The following PTPRU variants were observed in gnomAD, a reference collection of about 807,000 sequenced individuals.
PTPRU encodes the protein protein tyrosine phosphatase receptor type U.
PTPRU carries 69 observed loss-of-function variants against 166.3 expected under a neutral mutation model. The ratio of observed to expected loss-of-function variants is 0.41; its 90% CI spans 0.34 to 0.51. The LOEUF (loss-of-function observed/expected upper bound fraction) is 0.51. Among genes scored for constraint, PTPRU ranks in the 20% least tolerant of loss-of-function variants. The pLI is 0.09. For missense variants in PTPRU, 1,657 were observed against 2,013.7 expected, an observed-to-expected ratio of 0.82 and a Z score of 3.39; for synonymous variants, 793 against 814.0, an observed-to-expected ratio of 0.97 and a Z score of 0.44.
At position 29,323,472 on chromosome 1, in the gene PTPRU, C is replaced by G. The variant is rs776371235; in HGVS notation, c.3930C>G (p.Val1310=). 1 of 1,605,398 alleles carries G rather than the reference C, an allele frequency of 6.2e-7. No individual in the cohort carries two copies. Among genetic ancestry groups the G allele is most frequent in the East Asian group, 2.3e-5 (1 of 44,354 alleles). The change falls in exon 27 of 30, where the codon GTC becomes GTG. Residue 1310 remains valine, a synonymous_variant. Transcript: ENST00000373779. ...GTADEDLVAR[V]FRVQNISRLQ... ...CTGATGAAGACTTAGTGGCTCGAGT[C>G]TTCCGGGTGCAGAACATCTCTCGGG... is the stretch of plus-strand genomic sequence containing the variant.
intron 22 of PTPRU, among the ~76,000 whole-genome samples, chr1:29,313,007 G>A (rs1250534120): frequency 6.6e-6 from 1 of 152,346 alleles, no homozygotes; most frequent in East Asian, 1.9e-4. Context: ...AGTTCTGCCT[G>A]CTTTCAGTAA....
At chr1:29,296,609 A>G (rs1686892905) in intron 15 of PTPRU, among the ~76,000 whole-genome samples, 1 of 151,290 alleles carries the variant, frequency 6.6e-6, no homozygotes, top group South Asian at 2.1e-4. Flanking sequence ...CCTGGGCTCA[A>G]GTGATCCTCC....
At chr1:29,276,792 A>G (rs528490267) in intron 8 of PTPRU, among the ~76,000 whole-genome samples, 1 of 151,846 alleles carries the variant, frequency 6.6e-6, no homozygotes, top group Non-Finnish European at 1.5e-5. Context: ...TTTATTTTCT[A>G]TTTTTTATTT....
At position 29,280,657 on chromosome 1, in the gene PTPRU, G is replaced by GTT. The variant is rs1249574473; in HGVS notation, c.1868+517_1868+518insTT. 3.3e-5 allele frequency among the ~76,000 whole-genome samples: 5 copies of GTT among 151,400 alleles called. No individual in the cohort carries two copies. Among genetic ancestry groups the GTT allele is most frequent in the African/African-American group, 1.2e-4 (5 of 41,178 alleles). Reference sequence around the variant, plus strand: ...GGGTGCTGGAGACAAGACTGTGTGTGTGTGTGTGTGTGTGTGTGTGTGTAT... The same window carrying GTT: ...GGGTGCTGGAGACAAGACTGTGTGTGTTTGTGTGTGTGTGTGTGTGTGTGTAT... On this transcript the variant is annotated intron_variant, in intron 11 of 29. Coordinates refer to ENST00000373779, the MANE Select transcript of PTPRU (RefSeq NM_133178.4). This position sits in a 1 kb window ranked among gnomAD's most constrained non-coding sequence, Gnocchi z 4.2.
intron 22 of PTPRU, among the ~76,000 whole-genome samples, chr1:29,314,013 A>G (rs1687785146): frequency 6.6e-6 from 1 of 152,076 alleles, no homozygotes; most frequent in South Asian, 2.1e-4. Context: ...ATGTTTTTGG[A>G]CTTGTCATAA....
At chr1:29,300,031 G>A (rs938578754) in intron 15 of PTPRU, among the ~76,000 whole-genome samples, 2 of 152,142 alleles carry the variant, frequency 1.3e-5, no homozygotes, top group Non-Finnish European at 2.9e-5. Flanking sequence ...GCCCTTGCAG[G>A]TGCTCGCTGT....
chr1:29,290,539 C>T (rs1250105077), intron 14 of PTPRU, among the ~76,000 whole-genome samples: 3 of 152,224 alleles, frequency 2.0e-5, no homozygotes, highest in Admixed American at 6.5e-5. Flanking sequence ...TTCCCTCCCT[C>T]GAAGTGCAGG....
At chr1:29,288,444 G>A (rs988631418) in intron 14 of PTPRU, among the ~76,000 whole-genome samples, 4 of 152,180 alleles carry the variant, frequency 2.6e-5, no homozygotes, top group South Asian at 4.1e-4. Flanking sequence ...AGAGTGGTCC[G>A]GGAAGGCCCT....
At chr1:29,283,029 A>C in intron 12 of PTPRU, 80 bp downstream of exon 12, 1 of 1,552,558 alleles carries the variant, frequency 6.4e-7, no homozygotes, top group Non-Finnish European at 8.7e-7. Context: ...GAGCAGGCCC[A>C]GCGCAGACTC....
chr1:29,255,504 G>T, intron 2 of PTPRU, 98 bp downstream of exon 2: 3 of 1,505,660 alleles, frequency 2.0e-6, no homozygotes, highest in Admixed American at 1.8e-5. Flanking sequence ...TAACCTCTCT[G>T]GGCCCCATCT....
In PTPRU at chr1:29,237,671, C is replaced by T. The variant is rs1312821020; in HGVS notation, c.73+954C>T. On this transcript the variant is annotated intron_variant, in intron 1 of 29. Transcript: ENST00000373779. This position sits in a 1 kb window ranked among gnomAD's most constrained non-coding sequence, Gnocchi z 6.4. ...CCCGAGGCTCAGGGGAGGACCGGGC[C>T]CCGCGGCCGCCGCCTCGGGCATGTC... Among the ~76,000 whole-genome samples, 1 of 151,262 alleles carries T rather than the reference C, an allele frequency of 6.6e-6. No individual in the cohort carries two copies. The highest frequency in any genetic ancestry group is 6.6e-5 in the Admixed American group (1 of 15,200).
At position 29,325,956 on chromosome 1, in the gene PTPRU, G is replaced by T; in HGVS notation, c.*295G>T. 2.2e-6 allele frequency: 1 copy of T among 452,936 alleles called. No homozygotes were observed. 28.1% of individuals were successfully genotyped at this position (452,936 alleles called of 1,614,324 possible). ...GGTGCTGCCTGGCAGAGTGACAAAG[G>T]CTCAGGACGGCTGGCTCTGGGGGAC... On this transcript the variant is annotated 3_prime_UTR_variant, in exon 30 of 30. Coordinates refer to ENST00000373779, the MANE Select transcript of PTPRU (RefSeq NM_133178.4).
intron 18 of PTPRU, 161 bp downstream of exon 18, chr1:29,305,589 G>A (rs754944663): frequency 2.4e-6 from 2 of 816,480 alleles, no homozygotes; most frequent in Admixed American, 3.4e-5. Context: ...AGAGGAGGGA[G>A]GACAGTGAGC....
Position 29,283,962 on chromosome 1 carries a change from G to A in PTPRU, c.2165G>A (p.Arg722His). The change falls in exon 13 of 30, where the codon CGC becomes CAC. Residue 722 changes from arginine to histidine, a missense_variant. Coordinates refer to ENST00000373779, the MANE Select transcript of PTPRU (RefSeq NM_133178.4). ...LKGETRLNCI[R>H]IARKAACKES... ...CAGGAGACCCGGCTGAATTGCATCC[G>A]CATTGCCAGGAAAGGTAAGTCCGCT... The A allele has an allele frequency of 1.2e-6, 2 of 1,613,870 alleles. No homozygotes were observed. The highest frequency in any genetic ancestry group is 1.7e-4 in the Middle Eastern group (1 of 5,854).
At chr1:29,290,461 T>G (rs1032507675) in intron 14 of PTPRU, among the ~76,000 whole-genome samples, 5 of 152,204 alleles carry the variant, frequency 3.3e-5, no homozygotes, top group African/African-American at 7.2e-5. Context: ...CCGATGCTAC[T>G]CTGTCTTCTC....
At chr1:29,319,012 TA>T (rs1688027930) in intron 25 of PTPRU, among the ~76,000 whole-genome samples, 1 of 152,070 alleles carries the variant, frequency 6.6e-6, no homozygotes, top group African/African-American at 2.4e-5. Flanking sequence ...GGGGTTTCTT[TA>T]AAGAGGGTAA....
intron 13 of PTPRU, 81 bp from the exon 14 acceptor site, chr1:29,284,650 C>T: frequency 6.3e-7 from 1 of 1,599,390 alleles, no homozygotes; most frequent in South Asian, 1.1e-5. Flanking sequence ...CCAGTTTGTT[C>T]CTTGGGCACA....
At chr1:29,267,204 G>C (rs1187913210) in intron 7 of PTPRU, among the ~76,000 whole-genome samples, 2 of 152,114 alleles carry the variant, frequency 1.3e-5, no homozygotes, top group Non-Finnish European at 2.9e-5. Flanking sequence ...ACTCCAGCCT[G>C]GATGACAGAT....
chr1:29,279,263 C>A lies in PTPRU; in HGVS notation c.1563+142C>A. The A allele has an allele frequency of 1.0e-6, 1 of 999,664 alleles. No homozygotes were observed. The allele number at this position is 999,664 out of a possible 1,614,324, so 61.9% of individuals were successfully genotyped here. ...TCTTCAACTATGGCCAGGTCTGTGC[C>A]CTGTGTATTCTAGAGGAGGGTCCTG... On this transcript the variant is annotated intron_variant, in intron 9 of 29. Coordinates refer to ENST00000373779, the MANE Select transcript of PTPRU (RefSeq NM_133178.4). This position sits in a 1 kb window ranked among gnomAD's most constrained non-coding sequence, Gnocchi z 5.2.
Sources: allele counts gnomAD v4.1 joint callset (sites outside exome capture counted in the v4.1 genomes callset), GRCh38; gene constraint gnomAD v4.1.1; non-coding constraint Gnocchi (gnomAD v3.1); transcripts MANE v1.5; gene names NCBI Gene and HGNC (gene_info 2026-07-23, HGNC 2026-07-21).